Variants in STPG2 observed in about 807,000 individuals in gnomAD.
STPG2 encodes sperm-tail PG-rich repeat-containing protein 2.
STPG2 carries 56 observed loss-of-function variants against 54.2 expected under a neutral mutation model. That is an observed-to-expected ratio of 1.03 (90% CI 0.83 to 1.29). The LOEUF is 1.29. Among genes scored for constraint, STPG2 ranks in the 50% most tolerant of loss-of-function variants. The probability of loss-of-function intolerance (pLI) is 0.00; values close to 1 mark genes in which losing one functional copy is unlikely to be tolerated. For missense variants in STPG2, 596 were observed against 544.9 expected (o/e 1.09, Z -0.93); for synonymous variants, 200 against 181.8 (o/e 1.10, Z -0.81).
intron 8 of STPG2, among the ~76,000 whole-genome samples, chr4:97,859,353 G>T (rs544868250): frequency 6.6e-6 from 1 of 151,812 alleles, no homozygotes; most frequent in African/African-American, 2.4e-5. Context: ...CCACTCTGTG[G>T]GATGTACATT....
chr4:97,907,731 G>C (rs1731499180), intron 8 of STPG2, among the ~76,000 whole-genome samples: 1 of 152,128 alleles, frequency 6.6e-6, no homozygotes, highest in Non-Finnish European at 1.5e-5. Context: ...ACAACCATCT[G>C]ATCTTTGACA....
intron 8 of STPG2, among the ~76,000 whole-genome samples, chr4:97,883,523 A>T (rs1298186157): frequency 6.6e-6 from 1 of 152,196 alleles, no homozygotes; most frequent in African/African-American, 2.4e-5. Context: ...AAAGGTGACT[A>T]ACATGAATGG....
At chr4:98,040,749 C>T (rs1352803378) in intron 5 of STPG2, among the ~76,000 whole-genome samples, 1 of 151,630 alleles carries the variant, frequency 6.6e-6, no homozygotes, top group African/African-American at 2.4e-5. Flanking sequence ...CGAAGTCAGA[C>T]AATGTGATGT....
intron 8 of STPG2, among the ~76,000 whole-genome samples, chr4:97,941,154 A>C (rs1325691014): frequency 6.6e-6 from 1 of 152,078 alleles, no homozygotes; most frequent in Non-Finnish European, 1.5e-5. Flanking sequence ...AATGCGGCTA[A>C]TGTTGCTAAG....
intron 9 of STPG2, among the ~76,000 whole-genome samples, chr4:97,724,372 G>C (rs2149019005): frequency 6.6e-6 from 1 of 152,230 alleles, no homozygotes; most frequent in Admixed American, 6.5e-5. Context: ...CAAGTGCCTA[G>C]AATAGCTCTT....
At chr4:97,547,542 T>A (rs780702794) in intron 4 of STPG2, among the ~76,000 whole-genome samples, 3 of 152,176 alleles carry the variant, frequency 2.0e-5, no homozygotes, top group Non-Finnish European at 2.9e-5. Context: ...AGATGCATAT[T>A]TTTAAACTTT....
At chr4:98,034,243 C>T (rs950698685) in intron 5 of STPG2, among the ~76,000 whole-genome samples, 2 of 152,168 alleles carry the variant, frequency 1.3e-5, no homozygotes, top group African/African-American at 4.8e-5. Flanking sequence ...TGATAAGCAA[C>T]TTCAGCAAAG....
At chr4:97,640,548 A>T (rs1422462647) in intron 10 of STPG2, among the ~76,000 whole-genome samples, 1 of 151,902 alleles carries the variant, frequency 6.6e-6, no homozygotes, top group African/African-American at 2.4e-5. Flanking sequence ...TTTGACAAAT[A>T]TGGATTCAAG....
At chr4:97,590,550 T>A (rs1733115303) in intron 10 of STPG2, among the ~76,000 whole-genome samples, 1 of 151,930 alleles carries the variant, frequency 6.6e-6, no homozygotes, top group African/African-American at 2.4e-5. Context: ...CTTAGAGGTC[T>A]TTCTTGAACT....
intron 5 of STPG2, among the ~76,000 whole-genome samples, chr4:98,051,079 C>G (rs1737306508): frequency 6.6e-6 from 1 of 151,958 alleles, no homozygotes; most frequent in Admixed American, 6.6e-5. Flanking sequence ...GTCTTCACTC[C>G]CCATCAACAG....
chr4:97,872,187 C>T (rs531908299), intron 8 of STPG2, among the ~76,000 whole-genome samples: 1 of 151,028 alleles, frequency 6.6e-6, no homozygotes, highest in Non-Finnish European at 1.5e-5. Flanking sequence ...ACTGATTTCA[C>T]TCAATCAGGA....
chr4:97,545,624 T>A, intron 4 of STPG2, among the ~76,000 whole-genome samples: 1 of 152,060 alleles, frequency 6.6e-6, no homozygotes, highest in East Asian at 1.9e-4. Flanking sequence ...GAACTGTGTA[T>A]CTCCTATTCA....
chr4:97,924,015 G>A (rs1252719756), intron 8 of STPG2, among the ~76,000 whole-genome samples: 1 of 152,172 alleles, frequency 6.6e-6, no homozygotes, highest in African/African-American at 2.4e-5. Flanking sequence ...CTTCCACAAT[G>A]TGGAAGCTTT....
intron 8 of STPG2, among the ~76,000 whole-genome samples, chr4:97,848,272 T>C (rs1172850348): frequency 2.0e-5 from 3 of 152,154 alleles, no homozygotes; most frequent in Non-Finnish European, 2.9e-5. Flanking sequence ...TTTGCATAAA[T>C]ACATAAACAT....
chr4:97,590,638 G>GACACACACACACACAC (rs5860506), intron 10 of STPG2, among the ~76,000 whole-genome samples: 22 of 138,700 alleles, frequency 1.6e-4, no homozygotes, highest in Admixed American at 9.7e-4. Context: ...CAGACACACA[G>GACACACACACACACAC]ACACACACAC....
chr4:97,963,755 T>G (rs1027785644), intron 7 of STPG2, among the ~76,000 whole-genome samples: 8 of 151,864 alleles, frequency 5.3e-5, no homozygotes, highest in African/African-American at 1.9e-4. Flanking sequence ...TTATTTATAC[T>G]TATATCGGAC....
chr4:98,015,252 T>A (rs1735902907), intron 5 of STPG2, among the ~76,000 whole-genome samples: 2 of 152,034 alleles, frequency 1.3e-5, no homozygotes. Flanking sequence ...AAAGAAATTA[T>A]CATCAGAGTG....
chr4:97,953,290 G>A lies in STPG2; in HGVS notation c.934-9283C>T, dbSNP rs62320997. On this transcript the variant is annotated intron_variant, in intron 7 of 10. Coordinates refer to ENST00000295268, the MANE Select transcript of STPG2 (RefSeq NM_174952.3). ...GGAGTAGCAGGTGGCAGTAAACCCC[G>A]TCCAGCTCCCATGCACTTGGCAAAG... 3.0e-3 allele frequency among the ~76,000 whole-genome samples: 451 copies of A among 152,212 alleles called. 2 individuals are homozygous for A. Among genetic ancestry groups the A allele is most frequent in the Non-Finnish European group, 3.8e-3 (256 of 68,010 alleles).
intron 10 of STPG2, among the ~76,000 whole-genome samples, chr4:97,706,590 C>T (rs979709106): frequency 1.3e-5 from 2 of 152,132 alleles, no homozygotes; most frequent in Non-Finnish European, 2.9e-5. Context: ...TTTGTTAAAG[C>T]AGCCAAAACC....
Sources: allele counts gnomAD v4.1 joint callset (sites outside exome capture counted in the v4.1 genomes callset), GRCh38; gene constraint gnomAD v4.1.1; transcripts MANE v1.5; gene names NCBI Gene and HGNC (gene_info 2026-07-23, HGNC 2026-07-21).